Variants in BTAF1 observed in about 807,000 individuals in gnomAD.
BTAF1 encodes the protein TATA-binding protein-associated factor 172.
Under a neutral mutation model 227.1 loss-of-function variants are expected in BTAF1, and 38 were observed. That is an observed-to-expected ratio of 0.17 (90% CI 0.13 to 0.22). The LOEUF (loss-of-function observed/expected upper bound fraction) is 0.22, where lower values mean the gene tolerates loss of function less well. Ranked by LOEUF, BTAF1 falls within the 10% of genes least tolerant of loss-of-function variation. The pLI, the probability that BTAF1 is intolerant of heterozygous loss-of-function variation, is 1.00. For synonymous variants in BTAF1, 742 were observed against 751.9 expected, an observed-to-expected ratio of 0.99 and a Z score of 0.21; for missense variants, 1,598 against 2,204.0, an observed-to-expected ratio of 0.73 and a Z score of 5.51.
At chr10:91,975,714 T>C (rs1184070850) in intron 14 of BTAF1, among the ~76,000 whole-genome samples, 1 of 152,210 alleles carries the variant, frequency 6.6e-6, no homozygotes, top group Non-Finnish European at 1.5e-5. Flanking sequence ...TTTGTGGTAA[T>C]GCTCAGATTG....
chr10:92,018,562 T>C (rs1360684355), intron 33 of BTAF1, among the ~76,000 whole-genome samples: 2 of 152,158 alleles, frequency 1.3e-5, no homozygotes, highest in Admixed American at 6.6e-5. Flanking sequence ...ATATAAACAG[T>C]ACAATTTATA....
intron 24 of BTAF1, 76 bp downstream of exon 24, chr10:91,996,646 T>C: frequency 5.0e-6 from 7 of 1,390,406 alleles, no homozygotes; most frequent in Non-Finnish European, 5.0e-6. Context: ...GAAATTGATG[T>C]GTTCTAATAT....
At position 91,982,067 on chromosome 10, in the gene BTAF1, TCCCCTCC is replaced by T; in HGVS notation, c.1906-14_1906-8del. On this transcript the variant is annotated splice_polypyrimidine_tract_variant and intron_variant, in intron 16 of 37. Transcript: ENST00000265990. ...ATGGTTAATCTTTATTGTTTTTTTT[TCCCCTCC>T]CTCTGTAGGAAAAAACAGGTGGTAA... is the stretch of plus-strand genomic sequence containing the variant. 1.3e-6 allele frequency: 2 copies of T among 1,598,504 alleles called. No individual in the cohort carries two copies. The highest frequency in any genetic ancestry group is 3.5e-5 in the Admixed American group (2 of 56,760).
intron 17 of BTAF1, 156 bp downstream of exon 17, chr10:91,982,381 TTC>T: frequency 9.3e-7 from 1 of 1,072,940 alleles, no homozygotes; most frequent in Non-Finnish European, 1.3e-6. Context: ...AAGCAAATAC[TTC>T]TAATTATTTT....
intron 4 of BTAF1, among the ~76,000 whole-genome samples, chr10:91,944,793 T>C (rs1441197114): frequency 2.0e-5 from 3 of 152,220 alleles, no homozygotes; most frequent in Non-Finnish European, 4.4e-5. Context: ...TTCTCAACAT[T>C]TTATATTTGG....
intron 3 of BTAF1, 62 bp from the exon 4 acceptor site, chr10:91,942,353 GATATGCT>G: frequency 2.6e-6 from 3 of 1,166,272 alleles, no homozygotes; most frequent in Non-Finnish European, 3.7e-6. Context: ...CCCAAGTAAT[GATATGCT>G]ATTTTCTTTC....
At position 91,923,984 on chromosome 10, in the gene BTAF1, G is replaced by A; in HGVS notation, c.-93G>A. 2 of 1,482,318 alleles carry A rather than the reference G, an allele frequency of 1.3e-6. No homozygotes were observed. Among genetic ancestry groups the A allele is most frequent in the South Asian group, 1.3e-5 (1 of 75,772 alleles). 91.8% of individuals were successfully genotyped at this position (1,482,318 alleles called of 1,614,324 possible). A position where few individuals can be genotyped will look rare whatever the true frequency, so the allele number is the denominator to read the frequency against. ...ACCGGCCGCTCCCCTGTGCTCCGCG[G>A]CCTGGGCCTGCGCCGCTCAGCTCTC... On this transcript the variant is annotated 5_prime_UTR_variant, in exon 1 of 38. Coordinates refer to ENST00000265990, the MANE Select transcript of BTAF1 (RefSeq NM_003972.3).
chr10:92,011,562 T>C, intron 30 of BTAF1, 147 bp downstream of exon 30: 1 of 326,132 alleles, frequency 3.1e-6, no homozygotes, highest in Non-Finnish European at 5.4e-6. Context: ...TATATAATTA[T>C]TGCCTGCTTA....
chr10:91,963,525 T>G (rs753338267), intron 12 of BTAF1, among the ~76,000 whole-genome samples: 10 of 152,168 alleles, frequency 6.6e-5, no homozygotes, highest in Non-Finnish European at 1.3e-4. Context: ...AGTCTTGGCC[T>G]TCCAGAGTGC....
chr10:91,969,008 G>T (rs1847112731), intron 14 of BTAF1, among the ~76,000 whole-genome samples: 1 of 149,000 alleles, frequency 6.7e-6, no homozygotes, highest in African/African-American at 2.5e-5. Context: ...CTACAAGCAC[G>T]CACCACCATG....
intron 14 of BTAF1, among the ~76,000 whole-genome samples, chr10:91,978,104 C>T (rs920477309): frequency 1.3e-5 from 2 of 152,262 alleles, no homozygotes; most frequent in South Asian, 4.1e-4. Context: ...GTCATGTATC[C>T]ACAATTACAG....
At chr10:91,954,548 A>G (rs767018440) in intron 6 of BTAF1, among the ~76,000 whole-genome samples, 105 of 151,594 alleles carry the variant, frequency 6.9e-4, no homozygotes, top group Middle Eastern at 3.4e-3. Flanking sequence ...TAAAAAAAAA[A>G]TGCTGTTTTT....
At chr10:91,991,271 A>AATAT (rs3980612) in intron 20 of BTAF1, among the ~76,000 whole-genome samples, 841 of 66,204 alleles carry the variant, frequency 0.013, 33 homozygotes, top group Admixed American at 0.02. Context: ...TATAAATATA[A>AATAT]ATATATATAT....
At chr10:92,017,410 T>A (rs897361501) in intron 33 of BTAF1, among the ~76,000 whole-genome samples, 12 of 152,222 alleles carry the variant, frequency 7.9e-5, no homozygotes, top group African/African-American at 2.9e-4. Flanking sequence ...CTTTCCCTCT[T>A]GAATAGTCCA....
chr10:92,008,015 T>G, intron 25 of BTAF1, 108 bp from the exon 26 acceptor site: 1 of 1,070,578 alleles, frequency 9.3e-7, no homozygotes, highest in Non-Finnish European at 1.4e-6. Context: ...CAAGTCTTTG[T>G]ACAATTTTCA....
At chr10:91,984,788 A>G (rs893171930) in intron 19 of BTAF1, among the ~76,000 whole-genome samples, 4 of 152,230 alleles carry the variant, frequency 2.6e-5, no homozygotes, top group Admixed American at 2.6e-4. Flanking sequence ...ATGAAATTAC[A>G]TAACACTCAT....
At chr10:92,023,121 C>T (rs1045772915) in intron 34 of BTAF1, among the ~76,000 whole-genome samples, 6 of 152,132 alleles carry the variant, frequency 3.9e-5, no homozygotes, top group African/African-American at 1.4e-4. Flanking sequence ...CAGGTTTCAG[C>T]CTAAATCATA....
intron 1 of BTAF1, 52 bp from the exon 2 acceptor site, chr10:91,935,605 T>G: frequency 6.3e-7 from 1 of 1,596,588 alleles, no homozygotes; most frequent in Non-Finnish European, 8.6e-7. Context: ...CTTAAACTTG[T>G]ACATACGAGG....
intron 24 of BTAF1, chr10:91,997,284 T>C: frequency 1.5e-6 from 1 of 672,728 alleles, no homozygotes. Flanking sequence ...TATTTTATTT[T>C]GACATTGGAA....
Sources: gnomAD v4.1 joint callset for allele counts (sites outside exome capture counted in the v4.1 genomes callset) on GRCh38, gnomAD v4.1.1 for gene constraint, MANE v1.5 for transcripts, NCBI Gene and HGNC (gene_info 2026-07-23, HGNC 2026-07-21) for gene names.